The following VAV1 variants were observed in gnomAD, a reference collection of about 807,000 sequenced individuals.
The protein encoded by VAV1 is proto-oncogene vav.
Under a neutral mutation model 128.1 loss-of-function variants are expected in VAV1, and 33 were observed. That is an observed-to-expected ratio of 0.26 (90% CI 0.20 to 0.34). VAV1 has a LOEUF of 0.34. Ranked by LOEUF, VAV1 falls within the 10% of genes least tolerant of loss-of-function variation. The pLI is 1.00. For synonymous variants in VAV1, 394 were observed against 409.8 expected, an observed-to-expected ratio of 0.96 and a Z score of 0.47; for missense variants, 715 against 1,093.7, an observed-to-expected ratio of 0.65 and a Z score of 4.88.
At chr19:6,800,612 T>C (rs1971244165) in intron 1 of VAV1, among the ~76,000 whole-genome samples, 1 of 150,846 alleles carries the variant, frequency 6.6e-6, no homozygotes, top group African/African-American at 2.4e-5. Context: ...ACCCAGCTTC[T>C]TTTTTTTGTT....
chr19:6,834,299 A>G (rs2144795726), intron 19 of VAV1, among the ~76,000 whole-genome samples: 1 of 151,942 alleles, frequency 6.6e-6, no homozygotes. Flanking sequence ...GCTGGAGTGC[A>G]GTGGTGTGAT....
Position 6,843,115 on chromosome 19 carries a change from GTCTC to G in VAV1, c.1981-14_1981-11del, listed in dbSNP as rs564821170. ...GCTGGGGTCTTTACACTAAGTTGGG[GTCTC>G]TCTCTGTATTCTTAGGGCCCTCCTC... On this transcript the variant is annotated splice_polypyrimidine_tract_variant and intron_variant, in intron 21 of 26. Transcript: ENST00000602142. 4.3e-6 allele frequency: 7 copies of G among 1,613,870 alleles called. No individual in the cohort carries two copies. Among genetic ancestry groups the G allele is most frequent in the East Asian group, 2.2e-5 (1 of 44,872 alleles).
intron 25 of VAV1, among the ~76,000 whole-genome samples, chr19:6,853,451 C>T (rs1187015523): frequency 2.6e-5 from 4 of 151,754 alleles, no homozygotes; most frequent in Middle Eastern, 3.4e-3. Context: ...TGGCTGGGTG[C>T]GGTGGCTCAT....
intron 1 of VAV1, among the ~76,000 whole-genome samples, chr19:6,783,239 T>C (rs1970805099): frequency 6.6e-6 from 1 of 152,104 alleles, no homozygotes; most frequent in Non-Finnish European, 1.5e-5. Flanking sequence ...CCAAATTACA[T>C]GACTTCAGTG....
rs1486419251 is a variant in VAV1 at position 6,804,341 on chromosome 19, C to G, written c.205-16361C>G. On this transcript the variant is annotated intron_variant, in intron 1 of 26. Transcript: ENST00000602142. ...TTATTGCCGTGGCAGTGTTACAGCTCCATGACTGCTCTTGCAGGGCTACCC... is the reference window on the plus strand; with the variant it reads ...TTATTGCCGTGGCAGTGTTACAGCTGCATGACTGCTCTTGCAGGGCTACCC... Among the ~76,000 whole-genome samples, 3 of 151,924 alleles carry G rather than the reference C, an allele frequency of 2.0e-5. No homozygotes were observed. In the East Asian group the frequency reaches 5.8e-4, roughly 29 times the overall value.
intron 13 of VAV1, among the ~76,000 whole-genome samples, 195 bp from the exon 14 acceptor site, chr19:6,829,591 G>A (rs1255648491): frequency 6.6e-6 from 1 of 152,154 alleles, no homozygotes; most frequent in Non-Finnish European, 1.5e-5. Flanking sequence ...AGGGGTATGG[G>A]TGGAGCGAAG....
At chr19:6,785,102 A>G (rs1317254923) in intron 1 of VAV1, among the ~76,000 whole-genome samples, 4 of 152,086 alleles carry the variant, frequency 2.6e-5, no homozygotes, top group African/African-American at 4.8e-5. Context: ...TTCCTTCTTC[A>G]GGGATTTCTC....
At chr19:6,793,623 G>A (rs60654216) in intron 1 of VAV1, among the ~76,000 whole-genome samples, 2,695 of 152,244 alleles carry the variant, frequency 0.018, 32 homozygotes, top group South Asian at 0.061. Context: ...CAAAAACACC[G>A]TGCACATCAC....
chr19:6,841,478 C>CTTTTT (rs35484934), intron 21 of VAV1, among the ~76,000 whole-genome samples: 1 of 135,626 alleles, frequency 7.4e-6, no homozygotes, highest in South Asian at 2.3e-4. Flanking sequence ...TTTTTCTTTT[C>CTTTTT]TTTTTTTTTT....
chr19:6,802,104 A>G (rs559313053), intron 1 of VAV1, among the ~76,000 whole-genome samples: 1 of 151,726 alleles, frequency 6.6e-6, no homozygotes, highest in African/African-American at 2.4e-5. Context: ...AAAACCAAAC[A>G]CCGCATGTTC....
rs147447114 is a variant in VAV1 at position 6,832,156 on chromosome 19, A to G, written c.1464A>G (p.Thr488=). ...AGGGCTATGAGCTGTTCTTCAAGAC[A>G]AGAGAATTGAAGAAGAAGTGGATGG... ...GAQGYELFFK[T]RELKKKWMEQ... is the part of the protein sequence containing the mutation. Residue 488 remains threonine (T), a synonymous_variant, in exon 15 of 27, where the codon ACA becomes ACG. Coordinates refer to ENST00000602142, the MANE Select transcript of VAV1 (RefSeq NM_005428.4). 6.2e-7 allele frequency: 1 copy of G among 1,614,118 alleles called. No homozygotes were observed. The highest frequency in any genetic ancestry group is 8.5e-7 in the Non-Finnish European group (1 of 1,179,996).
chr19:6,835,087 T>C (rs1972188061), intron 19 of VAV1, among the ~76,000 whole-genome samples: 3 of 152,018 alleles, frequency 2.0e-5, no homozygotes, highest in African/African-American at 7.2e-5. Flanking sequence ...AATGGGTATG[T>C]TTTCTTCTTA....
chr19:6,780,821 G>A (rs676528), intron 1 of VAV1, among the ~76,000 whole-genome samples: 30,637 of 149,756 alleles, frequency 0.2, 4,090 homozygotes, highest in African/African-American at 0.24. Flanking sequence ...TGATCTGCCC[G>A]CCTCAGCCTC....
chr19:6,823,642 T>C (rs1679748501), intron 6 of VAV1, among the ~76,000 whole-genome samples: 1 of 151,698 alleles, frequency 6.6e-6, no homozygotes, highest in South Asian at 2.1e-4. Context: ...GTCTCTCTCT[T>C]TATCTCTCAC....
Position 6,822,334 on chromosome 19 carries a change from G to T in VAV1, c.558+5G>T. ...TCGGAGCCCGTGTCCATGCCGGTGC[G>T]TGACGTGGAGGGTCGGGCCTGGGGA... is the stretch of plus-strand genomic sequence containing the variant. On this transcript the variant is annotated splice_donor_5th_base_variant and intron_variant, in intron 5 of 26. Transcript: ENST00000602142. This position sits in a 1 kb window ranked among gnomAD's most constrained non-coding sequence, Gnocchi z 5.9. 2 of 1,540,070 alleles carry T rather than the reference G, an allele frequency of 1.3e-6. No homozygotes were observed. The highest frequency in any genetic ancestry group is 1.8e-6 in the Non-Finnish European group (2 of 1,138,184).
At position 6,799,584 on chromosome 19, in the gene VAV1, G is replaced by A. The variant is rs368996579; in HGVS notation, c.205-21118G>A. Among the ~76,000 whole-genome samples, 23 of 152,116 alleles carry A rather than the reference G, an allele frequency of 1.5e-4. 3 individuals are homozygous for A. Among genetic ancestry groups the A allele is most frequent in the East Asian group, 3.9e-4 (2 of 5,176 alleles). On this transcript the variant is annotated intron_variant, in intron 1 of 26. Coordinates refer to ENST00000602142, the MANE Select transcript of VAV1 (RefSeq NM_005428.4). The stretch of plus-strand genomic sequence containing the variant: ...CATCATCTACATTAGGTATTTCTCC[G>A]AATGCTATCCCTCTCCTAACCCCCA...
chr19:6,820,665 C>T lies in VAV1; in HGVS notation c.205-37C>T, dbSNP rs376290824. The stretch of plus-strand genomic sequence containing the variant: ...GGGGTCAGTTTCTCCCCTGCCCTTT[C>T]GTACTGCCCCACCCTCATTTCTCTG... On this transcript the variant is annotated intron_variant, in intron 1 of 26. Coordinates refer to ENST00000602142, the MANE Select transcript of VAV1 (RefSeq NM_005428.4). This position sits in a 1 kb window ranked among gnomAD's most constrained non-coding sequence, Gnocchi z 4.4. 1.5e-5 allele frequency: 24 copies of T among 1,593,776 alleles called. No individual in the cohort carries two copies. The highest frequency in any genetic ancestry group is 3.3e-4 in the Middle Eastern group (2 of 6,050).
At position 6,814,675 on chromosome 19, in the gene VAV1, T is replaced by TTCCTTC. The variant is rs1568299213; in HGVS notation, c.205-6027_205-6026insTCCTTC. On this transcript the variant is annotated intron_variant, in intron 1 of 26. Transcript: ENST00000602142. ...TCCTTCCTTCCTTCCTTCCTTCCTTTCTTTCTTTCTTTCTTTCTTTCTTTC... is the reference window on the plus strand; with the variant it reads ...TCCTTCCTTCCTTCCTTCCTTCCTTTTCCTTCCTTTCTTTCTTTCTTTCTTTCTTTC... Among the ~76,000 whole-genome samples, 295 of 76,676 alleles carry TTCCTTC rather than the reference T, an allele frequency of 3.8e-3. 5 individuals are homozygous for TTCCTTC. Among genetic ancestry groups the TTCCTTC allele is most frequent in the African/African-American group, 0.013 (160 of 12,500 alleles). 50.3% of individuals were successfully genotyped at this position (76,676 alleles called of 152,430 possible). A position where few individuals can be genotyped will look rare whatever the true frequency, so the allele number is the denominator to read the frequency against.
intron 1 of VAV1, among the ~76,000 whole-genome samples, chr19:6,778,293 A>G (rs1970689201): frequency 1.3e-5 from 2 of 152,174 alleles, no homozygotes; most frequent in South Asian, 4.1e-4. Context: ...CTTGAAGGCC[A>G]AGAGACTGGA....
Sources: allele counts gnomAD v4.1 joint callset (sites outside exome capture counted in the v4.1 genomes callset), GRCh38; gene constraint gnomAD v4.1.1; non-coding constraint Gnocchi (gnomAD v3.1); transcripts MANE v1.5; gene names NCBI Gene and HGNC (gene_info 2026-07-23, HGNC 2026-07-21).